ARL5C: variants seen among roughly 807,000 people sequenced by gnomAD.
ARL5C encodes ARF like GTPase 5C.
Under a neutral mutation model 20.8 loss-of-function variants are expected in ARL5C, and 21 were observed. The observed-to-expected ratio is 1.01, with a 90% CI of 0.72 to 1.46. The LOEUF is 1.46. Ranked by LOEUF, ARL5C falls within the 40% of genes most tolerant of loss-of-function variation. The pLI is 0.00. For missense variants in ARL5C, 199 were observed against 225.1 expected, an observed-to-expected ratio of 0.88 and a Z score of 0.74; for synonymous variants, 71 against 81.6, an observed-to-expected ratio of 0.87 and a Z score of 0.70.
Position 39,165,724 on chromosome 17 carries a change from C to T in ARL5C, c.37G>A (p.Gly13Arg), listed in dbSNP as rs943588013. ...CCTGTGCGCCCCTTACCCTGGTTCCCGAAGATGCTCATTAACTTGGCGATC... is the reference window on the plus strand; with the variant it reads ...CCTGTGCGCCCCTTACCCTGGTTCCTGAAGATGCTCATTAACTTGGCGATC... ...QLIAKLMSIFGNQEHTVIIVG... is the reference protein window; with the variant it reads ...QLIAKLMSIFRNQEHTVIIVG... Residue 13 changes from glycine to arginine, a missense_variant, in exon 1 of 6, where the codon GGG (glycine) becomes AGG (arginine). Transcript: ENST00000269586. 6.4e-7 allele frequency: 1 copy of T among 1,551,736 alleles called. No individual in the cohort carries two copies. Among genetic ancestry groups the T allele is most frequent in the African/African-American group, 1.4e-5 (1 of 73,056 alleles).
rs774423987 is a variant in ARL5C at position 39,160,606 on chromosome 17, G to A, written c.476C>T (p.Ala159Val). 1 of 1,551,844 alleles carries A rather than the reference G, an allele frequency of 6.4e-7. No homozygotes were observed. Among genetic ancestry groups the A allele is most frequent in the Middle Eastern group, 1.7e-4 (1 of 5,990 alleles). The part of the protein sequence containing the change: ...DHSWHIQGCC[A>V]LTREGLPARL... ...AGCCACTAACCCTTCCCTGGTGAGG[G>A]CACAGCAGCCTTGTATATGCCACGA... Residue 159 changes from alanine to valine, a missense_variant, in exon 5 of 6, where the codon GCC becomes GTC. Physicochemically the swap from Ala to Val is moderately conservative, Grantham distance 64 (BLOSUM62 0). Coordinates refer to ENST00000269586, the MANE Select transcript of ARL5C (RefSeq NM_001143968.1).
At chr17:39,161,556 C>T (rs2045435416) in intron 3 of ARL5C, among the ~76,000 whole-genome samples, 1 of 151,358 alleles carries the variant, frequency 6.6e-6, no homozygotes, top group South Asian at 2.1e-4. Flanking sequence ...CTCTGTCATC[C>T]AGGCTGGAGT....
Position 39,162,655 on chromosome 17 carries a change from C to T in ARL5C, c.255+56G>A, listed in dbSNP as rs941633573. ...ACCAAGGCTCAGAAAGGTTACATGA[C>T]AGTCTGATATCACACGCCTGCCTTG... is the stretch of plus-strand genomic sequence containing the variant. On this transcript the variant is annotated intron_variant, in intron 3 of 5. Transcript: ENST00000269586. The T allele has an allele frequency of 3.3e-6, 5 of 1,526,012 alleles. No individual in the cohort carries two copies. The African/African-American group carries it at 5.5e-5, about 17-fold the overall frequency. The allele number at this position is 1,526,012 out of a possible 1,614,324, so 94.5% of individuals were successfully genotyped here.
intron 2 of ARL5C, 185 bp downstream of exon 2, chr17:39,164,894 T>G: frequency 1.6e-6 from 1 of 611,360 alleles, no homozygotes; most frequent in Non-Finnish European, 2.9e-6. Context: ...GCCTGTACGG[T>G]GCAGGATTTG....
intron 5 of ARL5C, among the ~76,000 whole-genome samples, chr17:39,158,725 C>T (rs749993787): frequency 6.6e-6 from 1 of 152,090 alleles, no homozygotes; most frequent in Non-Finnish European, 1.5e-5. Context: ...CTACGTGGCC[C>T]AGCTCCTTAA....
intron 5 of ARL5C, among the ~76,000 whole-genome samples, chr17:39,159,385 C>T (rs111805003): frequency 0.034 from 5,091 of 151,270 alleles, 297 homozygotes; most frequent in African/African-American, 0.12. Flanking sequence ...CAACCTCCGC[C>T]TCCTGGGTTC....
At chr17:39,162,916 C>G in intron 2 of ARL5C, 58 bp from the exon 3 acceptor site, 1 of 1,527,480 alleles carries the variant, frequency 6.5e-7, no homozygotes, top group South Asian at 1.2e-5. Context: ...AACTCTGGCC[C>G]CCAAATGCTC....
chr17:39,164,842 G>A, intron 2 of ARL5C: 1 of 460,190 alleles, frequency 2.2e-6, no homozygotes, highest in Non-Finnish European at 3.9e-6. Context: ...GGGTTTGGCA[G>A]GGCCCCCGGG....
At chr17:39,157,695 C>A (rs801242) in intron 5 of ARL5C, among the ~76,000 whole-genome samples, 11,376 of 151,872 alleles carry the variant, frequency 0.075, 498 homozygotes, top group East Asian at 0.12. Context: ...GAGGCTGAGG[C>A]AGGAGAATCC....
intron 5 of ARL5C, among the ~76,000 whole-genome samples, chr17:39,159,030 T>G (rs1269356966): frequency 5.8e-5 from 7 of 121,166 alleles, no homozygotes; most frequent in African/African-American, 1.3e-4. Flanking sequence ...TTGTTTTTTT[T>G]TTTTTTTTTT....
At chr17:39,158,000 A>G (rs1254865421) in intron 5 of ARL5C, among the ~76,000 whole-genome samples, 1 of 151,630 alleles carries the variant, frequency 6.6e-6, no homozygotes, top group Non-Finnish European at 1.5e-5. Context: ...CGGGAGGCTG[A>G]GGCAGGAGAA....
intron 2 of ARL5C, 29 bp from the exon 3 acceptor site, chr17:39,162,887 C>G: frequency 1.3e-6 from 2 of 1,547,360 alleles, no homozygotes; most frequent in East Asian, 2.4e-5. Flanking sequence ...GCACCAAGAG[C>G]TCAGTCCAGC....
intron 3 of ARL5C, among the ~76,000 whole-genome samples, chr17:39,162,361 C>T (rs1027783185): frequency 2.0e-4 from 30 of 152,030 alleles, no homozygotes; most frequent in Non-Finnish European, 4.3e-4. Context: ...GTTGCAATGG[C>T]GTGATCTCGG....
Position 39,165,706 on chromosome 17 carries a change from G to T in ARL5C, c.46+9C>A, listed in dbSNP as rs987131565. On this transcript the variant is annotated intron_variant, in intron 1 of 5. Coordinates refer to ENST00000269586, the MANE Select transcript of ARL5C (RefSeq NM_001143968.1). ...AAGCGCTCGCTTGGATGCCCTGTGC[G>T]CCCCTTACCCTGGTTCCCGAAGATG... 1.3e-6 allele frequency: 2 copies of T among 1,551,700 alleles called. No individual in the cohort carries two copies. Among genetic ancestry groups the T allele is most frequent in the Non-Finnish European group, 1.7e-6 (2 of 1,147,002 alleles).
At chr17:39,157,415 G>A (rs1280238956) in intron 5 of ARL5C, among the ~76,000 whole-genome samples, 1 of 152,194 alleles carries the variant, frequency 6.6e-6, no homozygotes, top group Admixed American at 6.5e-5. Flanking sequence ...CAACTCCGGC[G>A]CATGGGTGGA....
At chr17:39,160,339 A>G in intron 5 of ARL5C, 1 of 386,862 alleles carries the variant, frequency 2.6e-6, no homozygotes, top group Non-Finnish European at 4.6e-6. Flanking sequence ...AAAAAAAAAA[A>G]GAGAGAGAGA....
chr17:39,161,713 C>T (rs2045436382), intron 3 of ARL5C, among the ~76,000 whole-genome samples: 1 of 151,996 alleles, frequency 6.6e-6, no homozygotes, highest in African/African-American at 2.4e-5. Flanking sequence ...GGGGTTTCGC[C>T]ATGTTGGCCA....
chr17:39,164,407 T>A (rs1233746640), intron 2 of ARL5C: 1 of 152,218 alleles, frequency 6.6e-6, no homozygotes, highest in African/African-American at 2.4e-5. Context: ...ATAATGCTTC[T>A]GAAAAGTTAC....
At chr17:39,156,861 C>T (rs2144038531), downstream of ARL5C, 4 of 1,551,126 alleles carry the variant, frequency 2.6e-6, no homozygotes, top group Middle Eastern at 1.7e-4. Context: ...CATGCAAAAC[C>T]CCAAAGTTTC....
Sources: gnomAD v4.1 joint callset for allele counts (sites outside exome capture counted in the v4.1 genomes callset) on GRCh38, gnomAD v4.1.1 for gene constraint, MANE v1.5 for transcripts, NCBI Gene and HGNC (gene_info 2026-07-23, HGNC 2026-07-21) for gene names.